MELK: variants seen among roughly 807,000 people sequenced by gnomAD.
MELK encodes maternal embryonic leucine zipper kinase.
Under a neutral mutation model 85.0 loss-of-function variants are expected in MELK, and 81 were observed. The observed-to-expected ratio is 0.95, with a 90% confidence interval of 0.80 to 1.15. MELK has a LOEUF of 1.15. MELK is among the 50% of genes most tolerant of loss of function. MELK has a pLI of 0.00. For missense variants in MELK, 754 were observed against 777.5 expected, an observed-to-expected ratio of 0.97 and a Z score of 0.36; for synonymous variants, 252 against 265.0, an observed-to-expected ratio of 0.95 and a Z score of 0.48.
intron 5 of MELK, among the ~76,000 whole-genome samples, chr9:36,595,658 T>C (rs962119985): frequency 2.8e-4 from 41 of 147,292 alleles, no homozygotes; most frequent in Middle Eastern, 3.6e-3. Flanking sequence ...CAGGCTGGAG[T>C]GCAGTGGCAT....
chr9:36,641,507 G>A (rs1043422138), intron 10 of MELK, among the ~76,000 whole-genome samples: 1 of 152,150 alleles, frequency 6.6e-6, no homozygotes, highest in Non-Finnish European at 1.5e-5. Flanking sequence ...CAGCAGGAGG[G>A]AGATGCTAAC....
At chr9:36,640,519 T>A (rs1233337148) in intron 10 of MELK, among the ~76,000 whole-genome samples, 2 of 152,180 alleles carry the variant, frequency 1.3e-5, no homozygotes, top group Non-Finnish European at 2.9e-5. Context: ...TGATCATACC[T>A]CACTGTAACC....
chr9:36,620,100 C>T (rs961723484), intron 8 of MELK, among the ~76,000 whole-genome samples: 3 of 152,158 alleles, frequency 2.0e-5, no homozygotes, highest in Non-Finnish European at 4.4e-5. Flanking sequence ...GGTCTTATAG[C>T]TAGTGAGTAG....
chr9:36,595,602 CTT>C (rs1824131738), intron 5 of MELK, among the ~76,000 whole-genome samples: 6 of 104,750 alleles, frequency 5.7e-5, no homozygotes. Flanking sequence ...TTATAAATGT[CTT>C]GTTTTTTTTT....
chr9:36,647,575 G>A (rs1830334521), intron 11 of MELK, among the ~76,000 whole-genome samples: 2 of 150,340 alleles, frequency 1.3e-5, no homozygotes, highest in Non-Finnish European at 3.0e-5. Flanking sequence ...TGCAACCTCC[G>A]CCTCCCGAGT....
chr9:36,629,293 T>C (rs1828275942), intron 8 of MELK, among the ~76,000 whole-genome samples: 1 of 152,244 alleles, frequency 6.6e-6, no homozygotes, highest in East Asian at 1.9e-4. Flanking sequence ...ATTTCTGCTG[T>C]GAGAAACTGT....
At chr9:36,589,121 T>G (rs1363222075) in intron 3 of MELK, among the ~76,000 whole-genome samples, 5 of 152,144 alleles carry the variant, frequency 3.3e-5, no homozygotes, top group African/African-American at 1.2e-4. Context: ...GAACAGTTTT[T>G]GGGGGGCTTT....
chr9:36,585,863 A>G (rs1822836639), intron 3 of MELK, among the ~76,000 whole-genome samples: 1 of 151,536 alleles, frequency 6.6e-6, no homozygotes. Flanking sequence ...CCTTGAGCCT[A>G]GGAGGTTGAG....
At chr9:36,647,328 A>AGATGTCTATCTTTTGATAGAT (rs1830299176) in intron 11 of MELK, among the ~76,000 whole-genome samples, 2 of 152,160 alleles carry the variant, frequency 1.3e-5, no homozygotes, top group African/African-American at 2.4e-5. Context: ...CTCTTTCAAA[A>AGATGTCTATCTTTTGATAGAT]AGGTGGCTAT....
chr9:36,581,008 G>A (rs1021078527), intron 1 of MELK, among the ~76,000 whole-genome samples: 6 of 152,108 alleles, frequency 3.9e-5, no homozygotes, highest in Admixed American at 2.0e-4. Flanking sequence ...GATTACAGGC[G>A]TAAGCCACCA....
At chr9:36,627,924 G>A (rs1047034421) in intron 8 of MELK, among the ~76,000 whole-genome samples, 2 of 143,330 alleles carry the variant, frequency 1.4e-5, no homozygotes, top group Admixed American at 7.0e-5. Flanking sequence ...TTTTTGAGAC[G>A]GAGTTTCACT....
rs753759890 is a variant in MELK, at chr9:36,677,389, A to C, written c.*52A>C. On this transcript the variant is annotated 3_prime_UTR_variant, in exon 18 of 18. Coordinates refer to ENST00000298048, the MANE Select transcript of MELK (RefSeq NM_014791.4). ...TGAGTGTGGGTGTGATACAGCCTAC[A>C]TAAAGACTGTTATGATCGCTTTGAT... The C allele has an allele frequency of 6.7e-7, 1 of 1,492,548 alleles. No individual in the cohort carries two copies. The highest frequency in any genetic ancestry group is 1.4e-5 in the African/African-American group (1 of 71,608). 92.5% of individuals were successfully genotyped at this position (1,492,548 alleles called of 1,614,324 possible).
intron 12 of MELK, among the ~76,000 whole-genome samples, chr9:36,654,592 A>G (rs1587581542): frequency 6.6e-6 from 1 of 151,698 alleles, no homozygotes; most frequent in Admixed American, 6.6e-5. Context: ...CAGACCTCAG[A>G]TGATCCACCT....
chr9:36,646,737 G>A (rs1452033511), intron 11 of MELK, among the ~76,000 whole-genome samples: 1 of 152,202 alleles, frequency 6.6e-6, no homozygotes, highest in Non-Finnish European at 1.5e-5. Flanking sequence ...ACCCATGTGT[G>A]TAAAGACTGA....
chr9:36,579,546 A>G (rs1317819902), intron 1 of MELK, among the ~76,000 whole-genome samples: 1 of 152,270 alleles, frequency 6.6e-6, no homozygotes, highest in Non-Finnish European at 1.5e-5. Flanking sequence ...GGGCAGAATC[A>G]TATTTCTTCT....
At chr9:36,658,304 C>A (rs1831455426) in intron 13 of MELK, among the ~76,000 whole-genome samples, 1 of 152,008 alleles carries the variant, frequency 6.6e-6, no homozygotes, top group African/African-American at 2.4e-5. Context: ...CCCTACAGTA[C>A]ACTGAGGCCC....
intron 7 of MELK, among the ~76,000 whole-genome samples, chr9:36,600,174 A>G (rs1316862791): frequency 4.6e-5 from 7 of 151,608 alleles, no homozygotes; most frequent in Non-Finnish European, 1.5e-5. Context: ...GCTCACTGCA[A>G]CCTCCACCTC....
chr9:36,578,352 T>C (rs1564114258), intron 1 of MELK, among the ~76,000 whole-genome samples: 1 of 152,162 alleles, frequency 6.6e-6, no homozygotes, highest in Non-Finnish European at 1.5e-5. Flanking sequence ...CTGTCAACTT[T>C]TACTTCCTCT....
chr9:36,650,581 C>T (rs1208690892), intron 11 of MELK, among the ~76,000 whole-genome samples: 1 of 152,206 alleles, frequency 6.6e-6, no homozygotes, highest in African/African-American at 2.4e-5. Flanking sequence ...TTAACCAAAT[C>T]AGAATCAATT....
Sources: allele counts gnomAD v4.1 joint callset (sites outside exome capture counted in the v4.1 genomes callset), GRCh38; gene constraint gnomAD v4.1.1; transcripts MANE v1.5; gene names NCBI Gene and HGNC (gene_info 2026-07-23, HGNC 2026-07-21).